The following IL1RAPL1 variants were observed in gnomAD, a reference collection of about 807,000 sequenced individuals.
The protein encoded by IL1RAPL1 is interleukin 1 receptor accessory protein like 1.
IL1RAPL1 carries 3 observed loss-of-function variants against 48.4 expected under a neutral mutation model. The ratio of observed to expected loss-of-function variants is 0.06; its 90% CI spans 0.03 to 0.16. IL1RAPL1 has a LOEUF of 0.16. IL1RAPL1 is among the 10% of genes least tolerant of loss of function. The pLI is 1.00. For missense variants in IL1RAPL1, 349 were observed against 530.6 expected (o/e 0.66, Z 3.36); for synonymous variants, 185 against 187.7 (o/e 0.99, Z 0.12).
intron 1 of IL1RAPL1, among the ~76,000 whole-genome samples, chrX:28,719,854 A>G (rs2146939130): frequency 9.0e-6 from 1 of 111,146 alleles, no homozygotes; most frequent in Non-Finnish European, 1.9e-5. Context: ...AGCACACAGG[A>G]ATGGGGGATG....
intron 1 of IL1RAPL1, among the ~76,000 whole-genome samples, chrX:28,758,706 A>G (rs1936132123): frequency 8.9e-6 from 1 of 111,772 alleles, no homozygotes; most frequent in African/African-American, 3.3e-5. Context: ...GAAGACTGGT[A>G]AAACCTATTC....
chrX:29,671,668 C>G (rs1926145990), intron 6 of IL1RAPL1, among the ~76,000 whole-genome samples: 1 of 111,628 alleles, frequency 9.0e-6, no homozygotes, highest in Non-Finnish European at 1.9e-5. Context: ...TTTTTTCAGG[C>G]TACTATAGTC....
chrX:28,610,873 T>C (rs1180619968), intron 1 of IL1RAPL1, among the ~76,000 whole-genome samples: 1 of 111,350 alleles, frequency 9.0e-6, no homozygotes, highest in Non-Finnish European at 1.9e-5. Context: ...GTCTGAAAAA[T>C]TCACATTGAG....
chrX:29,346,881 A>G (rs986314061), intron 3 of IL1RAPL1, among the ~76,000 whole-genome samples: 4 of 112,317 alleles, frequency 3.6e-5, no homozygotes, highest in Non-Finnish European at 7.5e-5. Flanking sequence ...AATGAGAATA[A>G]CAGCTTAAAA....
chrX:29,466,793 C>T (rs767122983), intron 5 of IL1RAPL1, among the ~76,000 whole-genome samples: 100 of 111,919 alleles, frequency 8.9e-4, no homozygotes, highest in Non-Finnish European at 1.4e-3. Flanking sequence ...TTCATTGGTT[C>T]TTCTCAACAA....
intron 2 of IL1RAPL1, among the ~76,000 whole-genome samples, chrX:29,258,149 G>T (rs1045654712): frequency 1.8e-5 from 2 of 110,563 alleles, no homozygotes; most frequent in Non-Finnish European, 3.8e-5. Context: ...CTTATAGCAG[G>T]TGACAAAAAA....
At chrX:29,103,251 A>G (rs1454166194) in intron 2 of IL1RAPL1, among the ~76,000 whole-genome samples, 1 of 112,053 alleles carries the variant, frequency 8.9e-6, no homozygotes, top group Non-Finnish European at 1.9e-5. Context: ...TCAAAACAGC[A>G]TGGTACTGGC....
intron 1 of IL1RAPL1, among the ~76,000 whole-genome samples, chrX:28,712,839 G>A (rs942894151): frequency 1.8e-5 from 2 of 110,721 alleles, no homozygotes; most frequent in Non-Finnish European, 3.8e-5. Context: ...TTTAAAAAAA[G>A]AGAATTTTAA....
At chrX:29,608,716 C>T (rs1173828778) in intron 5 of IL1RAPL1, among the ~76,000 whole-genome samples, 1 of 99,764 alleles carries the variant, frequency 1.0e-5, no homozygotes, top group Non-Finnish European at 2.0e-5. Flanking sequence ...GTCTCAGCTA[C>T]TCGGGAGGCT....
intron 2 of IL1RAPL1, among the ~76,000 whole-genome samples, chrX:28,999,408 G>A (rs914267637): frequency 1.8e-5 from 2 of 111,155 alleles, no homozygotes; most frequent in South Asian, 3.8e-4. Context: ...TCACCCTGTC[G>A]TCTTGTGTTT....
chrX:29,676,076 A>T (rs1229337907), intron 6 of IL1RAPL1, among the ~76,000 whole-genome samples: 2 of 111,590 alleles, frequency 1.8e-5, no homozygotes, highest in Non-Finnish European at 3.8e-5. Flanking sequence ...TTGAAATCTC[A>T]CACAGGCCTA....
chrX:28,803,503 G>C (rs1206899148), intron 2 of IL1RAPL1, among the ~76,000 whole-genome samples: 1 of 111,486 alleles, frequency 9.0e-6, no homozygotes. Flanking sequence ...AGAAATTATT[G>C]GTCGGCAATG....
intron 2 of IL1RAPL1, among the ~76,000 whole-genome samples, chrX:29,191,796 C>G (rs891404892): frequency 8.9e-6 from 1 of 111,770 alleles, no homozygotes; most frequent in African/African-American, 3.2e-5. Context: ...TCCATTTCAG[C>G]TTACTACAGT....
intron 1 of IL1RAPL1, among the ~76,000 whole-genome samples, chrX:28,589,368 G>T (rs1933884289): frequency 9.0e-6 from 1 of 111,602 alleles, no homozygotes. Context: ...TAACAGAGGA[G>T]GAGGGCAGAG....
chrX:29,689,993 T>G (rs761374748), intron 6 of IL1RAPL1, among the ~76,000 whole-genome samples: 17 of 111,560 alleles, frequency 1.5e-4, no homozygotes, highest in Non-Finnish European at 2.1e-4. Flanking sequence ...ACTGGGAAAC[T>G]AATTGTCTAG....
intron 6 of IL1RAPL1, among the ~76,000 whole-genome samples, chrX:29,740,530 C>T (rs1231001566): frequency 8.9e-6 from 1 of 111,772 alleles, no homozygotes; most frequent in Non-Finnish European, 1.9e-5. Flanking sequence ...TGTTATCCTA[C>T]GGCATTTTCT....
chrX:29,901,540 C>T (rs745871227), intron 6 of IL1RAPL1, among the ~76,000 whole-genome samples: 1 of 111,991 alleles, frequency 8.9e-6, no homozygotes, highest in South Asian at 3.7e-4. Flanking sequence ...TACTTTCCTC[C>T]TCCTTTCATT....
At chrX:28,747,409 G>A (rs191853752) in intron 1 of IL1RAPL1, among the ~76,000 whole-genome samples, 5 of 111,266 alleles carry the variant, frequency 4.5e-5, no homozygotes, top group African/African-American at 1.6e-4. Context: ...GCTGAGGCGG[G>A]CGGATCACTT....
At chrX:29,766,028 A>G (rs1171401075) in intron 6 of IL1RAPL1, among the ~76,000 whole-genome samples, 1 of 109,820 alleles carries the variant, frequency 9.1e-6, no homozygotes, top group African/African-American at 3.3e-5. Flanking sequence ...AAAAAAATAT[A>G]AATTTTTAAA....
Sources: gnomAD v4.1 joint callset for allele counts (sites outside exome capture counted in the v4.1 genomes callset) on GRCh38, gnomAD v4.1.1 for gene constraint, MANE v1.5 for transcripts, NCBI Gene and HGNC (gene_info 2026-07-23, HGNC 2026-07-21) for gene names.